The following SPATA16 variants were observed in gnomAD, a reference collection of about 807,000 sequenced individuals.
SPATA16 encodes spermatogenesis-associated protein 16.
Under a neutral mutation model 63.3 loss-of-function variants are expected in SPATA16, and 36 were observed. That is an observed-to-expected ratio of 0.57 (90% CI 0.44 to 0.75). The LOEUF is 0.75. Ranked by LOEUF, SPATA16 falls within the 30% of genes least tolerant of loss-of-function variation. The probability of loss-of-function intolerance (pLI) is 0.00; values close to 1 mark genes in which losing one functional copy is unlikely to be tolerated. For missense variants in SPATA16, 646 were observed against 679.3 expected (o/e 0.95, Z 0.54); for synonymous variants, 203 against 216.7 (o/e 0.94, Z 0.56).
intron 1 of SPATA16, among the ~76,000 whole-genome samples, chr3:173,135,243 G>T (rs972102420): frequency 4.6e-5 from 7 of 152,178 alleles, no homozygotes; most frequent in African/African-American, 1.2e-4. Flanking sequence ...GGAATGCAAA[G>T]TGAAACCACA....
intron 2 of SPATA16, among the ~76,000 whole-genome samples, chr3:173,090,170 G>A (rs899323050): frequency 3.9e-4 from 60 of 152,112 alleles, no homozygotes; most frequent in African/African-American, 1.4e-3. Flanking sequence ...GATTTCTCAT[G>A]GATGGTTTAG....
intron 1 of SPATA16, among the ~76,000 whole-genome samples, chr3:173,128,005 A>T (rs1738271684): frequency 6.6e-6 from 1 of 152,212 alleles, no homozygotes; most frequent in South Asian, 2.1e-4. Flanking sequence ...GCTAGTCACC[A>T]TCAAAGTACA....
intron 3 of SPATA16, among the ~76,000 whole-genome samples, chr3:173,047,294 C>T (rs1166295397): frequency 6.6e-6 from 1 of 151,394 alleles, no homozygotes; most frequent in East Asian, 1.9e-4. Context: ...ATGACCATGC[C>T]ATTTGGAACC....
chr3:173,065,451 G>A (rs1377533234), intron 2 of SPATA16, among the ~76,000 whole-genome samples: 1 of 152,068 alleles, frequency 6.6e-6, no homozygotes, highest in African/African-American at 2.4e-5. Flanking sequence ...GAGCAAGATG[G>A]CCAAATAGAA....
intron 2 of SPATA16, among the ~76,000 whole-genome samples, chr3:173,055,239 G>A (rs545097744): frequency 6.6e-6 from 1 of 152,250 alleles, no homozygotes; most frequent in East Asian, 1.9e-4. Flanking sequence ...ACAGTCACTA[G>A]AGAAAACAAT....
intron 3 of SPATA16, among the ~76,000 whole-genome samples, chr3:173,047,704 ATGG>A (rs1735989202): frequency 6.6e-6 from 1 of 152,114 alleles, no homozygotes; most frequent in East Asian, 1.9e-4. Flanking sequence ...CTTCTTTCAA[ATGG>A]AAATAGAACA....
chr3:173,012,084 TA>T (rs1481441508), intron 4 of SPATA16, among the ~76,000 whole-genome samples: 4 of 152,342 alleles, frequency 2.6e-5, no homozygotes, highest in Admixed American at 6.5e-5. Context: ...TTCGGCTTCT[TA>T]AAATTCCGGG....
At chr3:172,952,633 T>C (rs549870387) in intron 6 of SPATA16, among the ~76,000 whole-genome samples, 1 of 152,232 alleles carries the variant, frequency 6.6e-6, no homozygotes, top group East Asian at 1.9e-4. Context: ...TCTAGATGTA[T>C]GACTGAGGTA....
intron 4 of SPATA16, among the ~76,000 whole-genome samples, chr3:172,980,639 A>G (rs1392597358): frequency 6.6e-6 from 1 of 152,100 alleles, no homozygotes; most frequent in Non-Finnish European, 1.5e-5. Context: ...ATCTCATCCA[A>G]TCGCGCCTAA....
intron 1 of SPATA16, among the ~76,000 whole-genome samples, chr3:173,132,252 A>G (rs1002414800): frequency 2.0e-5 from 3 of 152,200 alleles, no homozygotes; most frequent in Admixed American, 6.5e-5. Flanking sequence ...AGAAACAGCA[A>G]TAGAATATAT....
At chr3:173,077,458 C>G (rs1736833861) in intron 2 of SPATA16, among the ~76,000 whole-genome samples, 1 of 152,170 alleles carries the variant, frequency 6.6e-6, no homozygotes, top group East Asian at 1.9e-4. Flanking sequence ...AACTAAGTTT[C>G]TATAGTACAT....
chr3:172,894,373 C>A (rs2109540113), intron 10 of SPATA16, among the ~76,000 whole-genome samples: 1 of 151,898 alleles, frequency 6.6e-6, no homozygotes, highest in East Asian at 1.9e-4. Flanking sequence ...AACAGACAGA[C>A]AAGCCCCTAA....
chr3:172,913,095 T>C (rs1349770236), intron 10 of SPATA16, among the ~76,000 whole-genome samples: 1 of 152,216 alleles, frequency 6.6e-6, no homozygotes, highest in African/African-American at 2.4e-5. Context: ...TTACTAACTT[T>C]CACATTTTCA....
chr3:172,999,657 G>T lies in SPATA16; in HGVS notation c.848+19829C>A, dbSNP rs183607671. On this transcript the variant is annotated intron_variant, in intron 4 of 10. Transcript: ENST00000351008. ...TTGAACTCCTGACCTCAGTTGATCC[G>T]CCCGCCTAGGCCTCCCAAAGTGCTG... Among the ~76,000 whole-genome samples, 172 of 152,106 alleles carry T rather than the reference G, an allele frequency of 1.1e-3. 1 individual carries two copies. Among genetic ancestry groups the T allele is most frequent in the African/African-American group, 3.7e-3 (153 of 41,506 alleles).
chr3:172,976,011 T>C (rs2108250329), intron 5 of SPATA16, among the ~76,000 whole-genome samples: 1 of 152,234 alleles, frequency 6.6e-6, no homozygotes, highest in East Asian at 1.9e-4. Context: ...GAACATCTTA[T>C]TCTGGTTGGT....
intron 5 of SPATA16, among the ~76,000 whole-genome samples, chr3:172,970,663 C>T (rs1368224302): frequency 6.6e-6 from 1 of 152,156 alleles, no homozygotes; most frequent in Non-Finnish European, 1.5e-5. Context: ...AACTCTCTGC[C>T]TGACAGGGCC....
chr3:172,961,064 T>TCC (rs1491118024), intron 5 of SPATA16, among the ~76,000 whole-genome samples: 505 of 31,122 alleles, frequency 0.016, 29 homozygotes, highest in South Asian at 0.034. Flanking sequence ...TCTTTCTTTC[T>TCC]TCTTTCTTCC....
intron 10 of SPATA16, among the ~76,000 whole-genome samples, chr3:172,908,096 G>A (rs183325387): frequency 1.3e-5 from 2 of 152,246 alleles, no homozygotes; most frequent in Non-Finnish European, 2.9e-5. Flanking sequence ...GTTCATGGCT[G>A]TTTCTCCAGT....
intron 3 of SPATA16, among the ~76,000 whole-genome samples, chr3:173,024,087 A>G (rs1735397871): frequency 6.6e-6 from 1 of 151,464 alleles, no homozygotes; most frequent in Non-Finnish European, 1.5e-5. Context: ...CACTACATGT[A>G]TGCACAATAG....
Sources: allele counts gnomAD v4.1 joint callset (sites outside exome capture counted in the v4.1 genomes callset), GRCh38; gene constraint gnomAD v4.1.1; transcripts MANE v1.5; gene names NCBI Gene and HGNC (gene_info 2026-07-23, HGNC 2026-07-21).